The following CMKLR2 variants were observed in gnomAD, a reference collection of about 807,000 sequenced individuals.
The protein encoded by CMKLR2 is chemerin-like receptor 2.
In CMKLR2, 18 loss-of-function variants were observed where a neutral mutation model predicts 23.0. The ratio of observed to expected loss-of-function variants is 0.78; its 90% CI spans 0.54 to 1.16. The LOEUF is 1.16. CMKLR2 is among the 50% of genes most tolerant of loss of function. CMKLR2 has a pLI of 0.00. For synonymous variants in CMKLR2, 158 were observed against 158.9 expected (o/e 0.99, Z 0.05); for missense variants, 401 against 412.7 (o/e 0.97, Z 0.25).
At chr2:206,194,749 T>C (rs1417380180) in intron 1 of CMKLR2, among the ~76,000 whole-genome samples, 3 of 128,386 alleles carry the variant, frequency 2.3e-5, no homozygotes, top group Non-Finnish European at 5.0e-5. Context: ...ATAGACTTTT[T>C]TTTTTTTTTT....
chr2:206,190,719 A>G (rs958379081), intron 1 of CMKLR2, among the ~76,000 whole-genome samples: 5 of 152,258 alleles, frequency 3.3e-5, no homozygotes, highest in Non-Finnish European at 7.3e-5. Context: ...GGGAGAAAGA[A>G]AGAAAGTTTT....
In CMKLR2 at chr2:206,187,476, C is replaced by T. The variant is rs374398958; in HGVS notation, c.-28-10201G>A. Among the ~76,000 whole-genome samples, 9 of 152,224 alleles carry T rather than the reference C, an allele frequency of 5.9e-5. No individual in the cohort carries two copies. In the East Asian group the frequency reaches 1.5e-3, roughly 26 times the overall value. Reference sequence around the variant, plus strand: ...TGATAATGCAATCTCAAAGTAATATCGGTGCTCTCAAAGGAAAAATGTGTT... The same window carrying T: ...TGATAATGCAATCTCAAAGTAATATTGGTGCTCTCAAAGGAAAAATGTGTT... On this transcript the variant is annotated intron_variant, in intron 1 of 1. Coordinates refer to ENST00000621141, the MANE Select transcript of CMKLR2 (RefSeq NM_001389445.1).
chr2:206,209,691 C>T (rs1323426444), intron 1 of CMKLR2, among the ~76,000 whole-genome samples: 11 of 149,196 alleles, frequency 7.4e-5, no homozygotes. Flanking sequence ...CTGTGTTGCC[C>T]AGGCTGGAGT....
chr2:206,205,989 G>A (rs1689303418), intron 1 of CMKLR2, among the ~76,000 whole-genome samples: 1 of 152,130 alleles, frequency 6.6e-6, no homozygotes, highest in Non-Finnish European at 1.5e-5. Flanking sequence ...ATGAGCCACT[G>A]CGCCTGGCCT....
chr2:206,192,812 G>T lies in CMKLR2; in HGVS notation c.-28-15537C>A, dbSNP rs78738615. Among the ~76,000 whole-genome samples, 480 of 152,110 alleles carry T rather than the reference G, an allele frequency of 3.2e-3. 1 individual carries two copies. The highest frequency in any genetic ancestry group is 0.031 in the Middle Eastern group (9 of 294). On this transcript the variant is annotated intron_variant, in intron 1 of 1. Coordinates refer to ENST00000621141, the MANE Select transcript of CMKLR2 (RefSeq NM_001389445.1). ...TATCCTTCAGTATCCACAGGACATT[G>T]GTTTCAGGACCTCCCACACATACCA...
intron 1 of CMKLR2, among the ~76,000 whole-genome samples, chr2:206,178,545 A>G (rs890977321): frequency 1.2e-4 from 18 of 152,228 alleles, no homozygotes; most frequent in Non-Finnish European, 2.2e-4. Flanking sequence ...ACAGAATGCA[A>G]TTAAGCTTTA....
intron 1 of CMKLR2, among the ~76,000 whole-genome samples, chr2:206,193,513 T>C (rs953595669): frequency 1.3e-5 from 2 of 152,246 alleles, no homozygotes; most frequent in Non-Finnish European, 2.9e-5. Flanking sequence ...TTGTAGGGCA[T>C]GTGACTGGAC....
At chr2:206,206,645 G>A (rs1262876725) in intron 1 of CMKLR2, among the ~76,000 whole-genome samples, 1 of 152,142 alleles carries the variant, frequency 6.6e-6, no homozygotes, top group Non-Finnish European at 1.5e-5. Context: ...CATATGTGGA[G>A]GCTTATTTCA....
intron 1 of CMKLR2, among the ~76,000 whole-genome samples, chr2:206,183,461 CGTGT>C (rs1321731842): frequency 6.6e-6 from 1 of 151,984 alleles, no homozygotes; most frequent in Non-Finnish European, 1.5e-5. Flanking sequence ...GGTATGTTTA[CGTGT>C]GTGTGTGTAT....
intron 1 of CMKLR2, among the ~76,000 whole-genome samples, chr2:206,192,476 G>C (rs1328082553): frequency 6.6e-6 from 1 of 151,700 alleles, no homozygotes; most frequent in Non-Finnish European, 1.5e-5. Context: ...GCTGAGGTGG[G>C]AGGATTGCTT....
chr2:206,198,555 T>C (rs16838056), intron 1 of CMKLR2, among the ~76,000 whole-genome samples: 10,305 of 152,118 alleles, frequency 0.068, 389 homozygotes, highest in East Asian at 0.15. Context: ...TTGCACAGAG[T>C]GGACATTCAA....
upstream of CMKLR2, among the ~76,000 whole-genome samples, chr2:206,216,062 A>G (rs1331469096): frequency 6.6e-6 from 1 of 152,222 alleles, no homozygotes; most frequent in Non-Finnish European, 1.5e-5. Flanking sequence ...ATTTCTGGAC[A>G]GTTTTGCCAC....
At chr2:206,207,196 G>A (rs1006576609) in intron 1 of CMKLR2, among the ~76,000 whole-genome samples, 2 of 145,920 alleles carry the variant, frequency 1.4e-5, no homozygotes, top group Non-Finnish European at 3.0e-5. Context: ...TGTTGCCCAG[G>A]CTGGAGTGCA....
chr2:206,176,672 C>T lies in CMKLR2; in HGVS notation c.576G>A (p.Gln192=). ...TCAAAGTGAGGTCAGGATCATGCTT[C>T]TGAAAATTGTTATAGCAAAGAGTAT... ...NNHTLCYNNF[Q]KHDPDLTLIR... is the part of the protein sequence containing the mutation. Residue 192 remains glutamine (Q), a synonymous_variant, in exon 2 of 2, where the codon CAG becomes CAA. Coordinates refer to ENST00000621141, the MANE Select transcript of CMKLR2 (RefSeq NM_001389445.1). 6.2e-7 allele frequency: 1 copy of T among 1,614,226 alleles called. No homozygotes were observed. Among genetic ancestry groups the T allele is most frequent in the Non-Finnish European group, 8.5e-7 (1 of 1,180,036 alleles).
intron 1 of CMKLR2, among the ~76,000 whole-genome samples, chr2:206,199,101 T>C (rs2010572): frequency 0.068 from 10,299 of 152,218 alleles, 391 homozygotes; most frequent in East Asian, 0.15. Flanking sequence ...TCTTTTTTCC[T>C]TGAGAGAGAG....
At chr2:206,200,800 A>G (rs115265707) in intron 1 of CMKLR2, among the ~76,000 whole-genome samples, 502 of 152,352 alleles carry the variant, frequency 3.3e-3, no homozygotes, top group Middle Eastern at 0.01. Flanking sequence ...GAAGGAACAC[A>G]GTAAAAAACC....
chr2:206,197,238 G>A (rs1469953306), intron 1 of CMKLR2, among the ~76,000 whole-genome samples: 2 of 152,062 alleles, frequency 1.3e-5, no homozygotes, highest in Non-Finnish European at 2.9e-5. Context: ...CTCCAGAGCT[G>A]GTTAAGTCCC....
chr2:206,180,161 G>A (rs540812576), intron 1 of CMKLR2, among the ~76,000 whole-genome samples: 2 of 152,028 alleles, frequency 1.3e-5, no homozygotes, highest in South Asian at 4.2e-4. Context: ...GATAGTCAAT[G>A]TTATTGAGAA....
chr2:206,203,183 C>A (rs1029306328), intron 1 of CMKLR2, among the ~76,000 whole-genome samples: 1 of 131,134 alleles, frequency 7.6e-6, no homozygotes, highest in Non-Finnish European at 1.7e-5. Flanking sequence ...AAAAAATTAG[C>A]CGGGCATGGT....
Sources: allele counts gnomAD v4.1 joint callset (sites outside exome capture counted in the v4.1 genomes callset), GRCh38; gene constraint gnomAD v4.1.1; transcripts MANE v1.5; gene names NCBI Gene and HGNC (gene_info 2026-07-23, HGNC 2026-07-21).